ARMC9: variants seen among roughly 807,000 people sequenced by gnomAD.
ARMC9 encodes the protein lisH domain-containing protein ARMC9.
Under a neutral mutation model 107.0 loss-of-function variants are expected in ARMC9, and 94 were observed. That is an observed-to-expected ratio of 0.88 (90% CI 0.74 to 1.04). The LOEUF (loss-of-function observed/expected upper bound fraction) is 1.04, where lower values mean the gene tolerates loss of function less well. ARMC9 is among the 50% of genes least tolerant of loss of function. The pLI, the probability that ARMC9 is intolerant of heterozygous loss-of-function variation, is 0.00. For synonymous variants in ARMC9, 380 were observed against 396.9 expected (o/e 0.96, Z 0.51); for missense variants, 942 against 1,030.1 (o/e 0.91, Z 1.17).
At position 231,371,566 on chromosome 2, in the gene ARMC9, CG is replaced by C. The variant is rs142016082; in HGVS notation, c.*33del. The C allele has an allele frequency of 0.014, 16,779 of 1,235,056 alleles. 1,682 individuals are homozygous for C. In the African/African-American group the frequency reaches 0.22, roughly 16 times the overall value. The allele number at this position is 1,235,056 out of a possible 1,614,324, so 76.5% of individuals were successfully genotyped here. On this transcript the variant is annotated 3_prime_UTR_variant, in exon 25 of 25. Coordinates refer to ENST00000611582, the MANE Select transcript of ARMC9 (RefSeq NM_001352754.2). ...TCCCCGGGTGTCCCCATCACGTTGC[CG>C]GAGGACCAGCCAGCTTCCCGCTCTC...
In ARMC9 at chr2:231,358,350, A is replaced by AATTGATTG. The variant is rs143556558; in HGVS notation, c.2132-2379_2132-2372dup. ...CTTCTCCATCCCTCCCCTCCACTTC[A>AATTGATTG]ATTGATTGATTGATTGATTGATTGA... On this transcript the variant is annotated intron_variant, in intron 22 of 24. Coordinates refer to ENST00000611582, the MANE Select transcript of ARMC9 (RefSeq NM_001352754.2). This position sits in a 1 kb window ranked among gnomAD's most constrained non-coding sequence, Gnocchi z 4.5. Among the ~76,000 whole-genome samples the AATTGATTG allele has an allele frequency of 0.029, 4,343 of 151,066 alleles. 211 individuals carry two copies. Among genetic ancestry groups the AATTGATTG allele is most frequent in the African/African-American group, 0.098 (3,992 of 40,780 alleles).
At chr2:231,217,567 CA>C (rs544667326) in intron 5 of ARMC9, among the ~76,000 whole-genome samples, 43,157 of 122,224 alleles carry the variant, frequency 0.35, 6,579 homozygotes, top group African/African-American at 0.48. Context: ...GACCTTGTCT[CA>C]AAAAAAAAAA....
At chr2:231,295,416 G>A (rs953568292) in intron 18 of ARMC9, 1 of 152,422 alleles carries the variant, frequency 6.6e-6, no homozygotes, top group Non-Finnish European at 1.5e-5. Context: ...CTGAGCAAGG[G>A]GATCAGGGAA....
Position 231,216,695 on chromosome 2 carries a change from G to A in ARMC9, c.406G>A (p.Gly136Arg), listed in dbSNP as rs746880469. 21 of 1,613,874 alleles carry A rather than the reference G, an allele frequency of 1.3e-5. No homozygotes were observed. The highest frequency in any genetic ancestry group is 1.7e-5 in the Admixed American group (1 of 59,992). Residue 136 changes from glycine (G) to arginine (R), a missense_variant, in exon 5 of 25, where the codon GGG becomes AGG. Transcript: ENST00000611582. ...SYFKTYLETK[G>R]AALSQTTEFL... ...CTTCAAAACCTACCTGGAGACCAAAGGGGCAGCCTTGAGCCAGACCACAGA... is the reference window on the plus strand; with the variant it reads ...CTTCAAAACCTACCTGGAGACCAAAAGGGCAGCCTTGAGCCAGACCACAGA...
At chr2:231,321,314 C>T (rs965706065) in intron 19 of ARMC9, among the ~76,000 whole-genome samples, 9 of 152,006 alleles carry the variant, frequency 5.9e-5, no homozygotes, top group South Asian at 2.1e-4. Context: ...AGGGCTGGCC[C>T]GGATGGAGCG....
intron 14 of ARMC9, among the ~76,000 whole-genome samples, chr2:231,273,456 A>G (rs1463135699): frequency 6.6e-6 from 1 of 152,154 alleles, no homozygotes; most frequent in Non-Finnish European, 1.5e-5. Flanking sequence ...ACATCCCAGC[A>G]GAGTGTCAAG....
At chr2:231,216,584 G>C (rs918010430) in intron 4 of ARMC9, 54 bp from the exon 5 acceptor site, 3 of 1,572,562 alleles carry the variant, frequency 1.9e-6, no homozygotes, top group Admixed American at 3.6e-5. Context: ...GGGGTGAGCA[G>C]ATAGACTGGG....
intron 3 of ARMC9, among the ~76,000 whole-genome samples, chr2:231,214,257 A>G (rs756633765): frequency 6.6e-6 from 1 of 152,216 alleles, no homozygotes; most frequent in Non-Finnish European, 1.5e-5. Flanking sequence ...ACCTTATGGT[A>G]TAATGGGGTC....
In ARMC9 at chr2:231,214,759, G is replaced by A. The variant is rs1245146080; in HGVS notation, c.178-72G>A. The A allele has an allele frequency of 2.7e-6, 4 of 1,473,260 alleles. No individual in the cohort carries two copies. The Admixed American group carries it at 7.0e-5, about 26-fold the overall frequency. The allele number at this position is 1,473,260 out of a possible 1,614,324, so 91.3% of individuals were successfully genotyped here. On this transcript the variant is annotated intron_variant, in intron 3 of 24. Coordinates refer to ENST00000611582, the MANE Select transcript of ARMC9 (RefSeq NM_001352754.2). Reference sequence around the variant, plus strand: ...AAGGAGTATATGGGAGATCTGTGGTGTTGAGTGGGTTGTGAGAATTTTGGG... The same window carrying A: ...AAGGAGTATATGGGAGATCTGTGGTATTGAGTGGGTTGTGAGAATTTTGGG...
At chr2:231,324,759 CTAAA>C (rs547555802) in intron 19 of ARMC9, among the ~76,000 whole-genome samples, 4 of 151,474 alleles carry the variant, frequency 2.6e-5, no homozygotes, top group Admixed American at 6.6e-5. Context: ...AGATAACTAA[CTAAA>C]TAAATAAATA....
intron 19 of ARMC9, among the ~76,000 whole-genome samples, chr2:231,329,311 T>C: frequency 6.6e-6 from 1 of 152,074 alleles, no homozygotes; most frequent in Non-Finnish European, 1.5e-5. Context: ...TTTGATTTCT[T>C]TTTTCTTTTC....
At chr2:231,215,204 T>C (rs2033365965) in intron 4 of ARMC9, 2 of 573,602 alleles carry the variant, frequency 3.5e-6, no homozygotes, top group Non-Finnish European at 2.8e-6. Context: ...ATTTAATAAT[T>C]TCTGTAATCA....
intron 5 of ARMC9, among the ~76,000 whole-genome samples, chr2:231,222,524 T>G (rs1340587886): frequency 6.6e-6 from 1 of 152,228 alleles, no homozygotes; most frequent in African/African-American, 2.4e-5. Flanking sequence ...ACTCTATTTT[T>G]TCTTCCTACT....
chr2:231,367,974 A>C (rs1388018966), intron 23 of ARMC9, among the ~76,000 whole-genome samples: 1 of 150,388 alleles, frequency 6.6e-6, no homozygotes, highest in Non-Finnish European at 1.5e-5. Context: ...GCAAAACTCC[A>C]TTTCAAAAAA....
intron 14 of ARMC9, among the ~76,000 whole-genome samples, chr2:231,275,766 C>T (rs576153391): frequency 6.4e-4 from 97 of 152,272 alleles, no homozygotes; most frequent in African/African-American, 2.3e-3. Context: ...CCAGCCTGGC[C>T]AACATGAAGA....
intron 23 of ARMC9, among the ~76,000 whole-genome samples, chr2:231,365,964 G>C (rs1029817825): frequency 7.2e-5 from 11 of 152,138 alleles, no homozygotes; most frequent in Non-Finnish European, 1.5e-4. Context: ...AGGGAGCCCC[G>C]GTCTGAGGAG....
rs564724491 is a variant in ARMC9, at chr2:231,259,435, G to T, written c.1026+333G>T. ...CAGGGTTACCCACAGTCCCACAGAG[G>T]TTCTGTATTCAGCCACTGCCATGCA... is the stretch of plus-strand genomic sequence containing the variant. On this transcript the variant is annotated intron_variant, in intron 11 of 24. Transcript: ENST00000611582. 1.1e-3 allele frequency among the ~76,000 whole-genome samples: 161 copies of T among 152,308 alleles called. 1 individual carries two copies. The highest frequency in any genetic ancestry group is 3.6e-3 in the African/African-American group (151 of 41,568).
intron 19 of ARMC9, among the ~76,000 whole-genome samples, chr2:231,319,474 G>A (rs2042882563): frequency 6.6e-6 from 1 of 152,148 alleles, no homozygotes. Context: ...CACTAGTAAG[G>A]GGTTCTAACC....
At chr2:231,359,053 C>CCTGGCTGT (rs1279937640) in intron 22 of ARMC9, among the ~76,000 whole-genome samples, 11 of 150,442 alleles carry the variant, frequency 7.3e-5, no homozygotes, top group African/African-American at 2.7e-4. Context: ...TCTCCTAGCT[C>CCTGGCTGT]CTGGCTGTCT....
Sources: gnomAD v4.1 joint callset for allele counts (sites outside exome capture counted in the v4.1 genomes callset) on GRCh38, gnomAD v4.1.1 for gene constraint, Gnocchi (gnomAD v3.1) non-coding constraint, MANE v1.5 for transcripts, NCBI Gene and HGNC (gene_info 2026-07-23, HGNC 2026-07-21) for gene names.